The following SUGCT variants were observed in gnomAD, a reference collection of about 807,000 sequenced individuals.
SUGCT encodes succinyl-CoA:glutarate-CoA transferase, also known as succinyl-CoA:glutarate CoA-transferase.
In SUGCT, 41 loss-of-function variants were observed where a neutral mutation model predicts 55.0. That is an observed-to-expected ratio of 0.74 (90% CI 0.58 to 0.97). SUGCT has a LOEUF of 0.97. Ranked by LOEUF, SUGCT falls within the 50% of genes least tolerant of loss-of-function variation. The pLI is 0.00. For missense variants in SUGCT, 568 were observed against 547.8 expected (o/e 1.04, Z -0.37); for synonymous variants, 187 against 200.4 (o/e 0.93, Z 0.56).
the SUGCT span, among the ~76,000 whole-genome samples, chr7:40,975,199 C>G: frequency 1.3e-5 from 2 of 152,102 alleles, no homozygotes; most frequent in Non-Finnish European, 2.9e-5. Flanking sequence ...TTCAAGAAAC[C>G]TAAAGAAGCC....
intron 1 of SUGCT, among the ~76,000 whole-genome samples, chr7:40,158,746 T>C (rs1784014983): frequency 6.6e-6 from 1 of 152,146 alleles, no homozygotes. Context: ...TGAGAGTCTG[T>C]CTCAAATAAA....
chr7:40,212,496 A>G (rs1395238124), intron 6 of SUGCT, among the ~76,000 whole-genome samples: 1 of 152,008 alleles, frequency 6.6e-6, no homozygotes, highest in Non-Finnish European at 1.5e-5. Flanking sequence ...TGATAAAACT[A>G]TAAGGAGGAA....
At chr7:40,161,325 C>A (rs987636747) in intron 1 of SUGCT, among the ~76,000 whole-genome samples, 4 of 152,150 alleles carry the variant, frequency 2.6e-5, no homozygotes, top group South Asian at 2.1e-4. Flanking sequence ...CCTTCTATTC[C>A]TCCGTGTTAA....
chr7:40,657,501 T>C (rs1801074339), intron 12 of SUGCT, among the ~76,000 whole-genome samples: 1 of 129,160 alleles, frequency 7.7e-6, no homozygotes, highest in Non-Finnish European at 1.8e-5. Flanking sequence ...AGTAATCTCG[T>C]GAGGTAGATT....
intron 12 of SUGCT, among the ~76,000 whole-genome samples, chr7:40,566,084 GTGTT>G (rs1796133015): frequency 6.6e-6 from 1 of 151,974 alleles, no homozygotes; most frequent in African/African-American, 2.4e-5. Context: ...GTGAATATGT[GTGTT>G]TGTTGAATGA....
chr7:40,557,429 A>G (rs1377435883), intron 12 of SUGCT, among the ~76,000 whole-genome samples: 1 of 152,190 alleles, frequency 6.6e-6, no homozygotes, highest in African/African-American at 2.4e-5. Context: ...AACAAAATAA[A>G]AAATAGACAA....
At chr7:40,365,614 C>T (rs1783908385) in intron 9 of SUGCT, among the ~76,000 whole-genome samples, 1 of 151,642 alleles carries the variant, frequency 6.6e-6, no homozygotes, top group Non-Finnish European at 1.5e-5. Flanking sequence ...TCTTATACAC[C>T]AATAACAGAC....
At chr7:40,245,423 A>ATTTT (rs1168316176) in intron 7 of SUGCT, among the ~76,000 whole-genome samples, 14 of 54,572 alleles carry the variant, frequency 2.6e-4, no homozygotes, top group African/African-American at 6.2e-4. Flanking sequence ...ATATATATAT[A>ATTTT]TTTTTTTTTT....
chr7:40,313,725 G>A (rs981095290), intron 8 of SUGCT, among the ~76,000 whole-genome samples: 23 of 151,724 alleles, frequency 1.5e-4, no homozygotes, highest in Admixed American at 1.5e-3. Flanking sequence ...GACCTCCCCA[G>A]GCTCAGGTGA....
rs111232329 is a variant in SUGCT, at chr7:40,303,506, C to T, written c.721-13254C>T. ...CATTTCTTCTCTTTTTTTTTTGAGA[C>T]GGAGTCTTGCTCTGTTGCCCAGGCT... On this transcript the variant is annotated intron_variant, in intron 8 of 13. Coordinates refer to ENST00000335693, the MANE Select transcript of SUGCT (RefSeq NM_001193313.2). 3.7e-3 allele frequency among the ~76,000 whole-genome samples: 545 copies of T among 148,694 alleles called. 2 individuals carry two copies. The highest frequency in any genetic ancestry group is 0.012 in the African/African-American group (495 of 40,354).
chr7:40,698,977 T>A (rs7800409), intron 12 of SUGCT, among the ~76,000 whole-genome samples: 30,512 of 152,168 alleles, frequency 0.2, 3,200 homozygotes, highest in Non-Finnish European at 0.23. Flanking sequence ...ATGAGTAACA[T>A]TTTAAGTTTC....
At chr7:40,753,080 A>C (rs747641548) in intron 13 of SUGCT, among the ~76,000 whole-genome samples, 3 of 152,216 alleles carry the variant, frequency 2.0e-5, no homozygotes, top group African/African-American at 4.8e-5. Flanking sequence ...TACAGATGTC[A>C]GATAAAAAGA....
intron 12 of SUGCT, among the ~76,000 whole-genome samples, chr7:40,571,225 A>G (rs1418311844): frequency 6.6e-6 from 1 of 152,210 alleles, no homozygotes; most frequent in African/African-American, 2.4e-5. Context: ...AATTATCTGC[A>G]AGCATTAACT....
At chr7:40,540,437 C>G (rs1283945975) in intron 12 of SUGCT, among the ~76,000 whole-genome samples, 1 of 152,242 alleles carries the variant, frequency 6.6e-6, no homozygotes, top group African/African-American at 2.4e-5. Flanking sequence ...AGTTACCATG[C>G]CATGTGGCTG....
intron 1 of SUGCT, among the ~76,000 whole-genome samples, chr7:40,167,707 A>T (rs1228737106): frequency 2.0e-5 from 3 of 152,192 alleles, no homozygotes; most frequent in African/African-American, 7.2e-5. Flanking sequence ...ATGCAGGAAC[A>T]ATGGTGAGCC....
intron 7 of SUGCT, among the ~76,000 whole-genome samples, chr7:40,256,517 A>T (rs968874807): frequency 2.6e-4 from 39 of 152,128 alleles, no homozygotes; most frequent in African/African-American, 8.2e-4. Context: ...ATGCTTAAAA[A>T]TTTTCTCATC....
At chr7:40,531,127 A>G (rs1794059263) in intron 12 of SUGCT, among the ~76,000 whole-genome samples, 2 of 152,214 alleles carry the variant, frequency 1.3e-5, no homozygotes, top group South Asian at 2.1e-4. Flanking sequence ...AAGGGGATGA[A>G]TGAAGCTGAC....
At chr7:40,648,498 T>C (rs1800629921) in intron 12 of SUGCT, among the ~76,000 whole-genome samples, 1 of 152,220 alleles carries the variant, frequency 6.6e-6, no homozygotes, top group South Asian at 2.1e-4. Context: ...AAAAGATACG[T>C]TGAAGTCCTA....
At chr7:40,323,777 T>C (rs1037704894) in intron 9 of SUGCT, among the ~76,000 whole-genome samples, 3 of 152,234 alleles carry the variant, frequency 2.0e-5, no homozygotes, top group African/African-American at 4.8e-5. Flanking sequence ...ATAGTTCATC[T>C]ATTCCTGGCC....
Sources: allele counts gnomAD v4.1 joint callset (sites outside exome capture counted in the v4.1 genomes callset), GRCh38; gene constraint gnomAD v4.1.1; transcripts MANE v1.5; gene names NCBI Gene and HGNC (gene_info 2026-07-23, HGNC 2026-07-21).